The following URM1 variants were observed in gnomAD, a reference collection of about 807,000 sequenced individuals.
URM1 encodes the protein ubiquitin-related modifier 1.
Under a neutral mutation model 17.7 loss-of-function variants are expected in URM1, and 11 were observed. The ratio of observed to expected loss-of-function variants is 0.62; its 90% CI spans 0.39 to 1.03. The LOEUF is 1.03. URM1 is among the 50% of genes least tolerant of loss of function. The pLI, the probability that URM1 is intolerant of heterozygous loss-of-function variation, is 0.00. For missense variants in URM1, 128 were observed against 129.2 expected (o/e 0.99, Z 0.04); for synonymous variants, 48 against 50.6 (o/e 0.95, Z 0.22).
chr9:128,375,188 A>G (rs777917103), intron 1 of URM1, among the ~76,000 whole-genome samples: 5 of 152,190 alleles, frequency 3.3e-5, no homozygotes, highest in South Asian at 4.1e-4. Context: ...GATGAGGAAC[A>G]TCTTATAAAT....
intron 2 of URM1, among the ~76,000 whole-genome samples, chr9:128,383,688 C>T (rs1194223241): frequency 6.6e-6 from 1 of 152,090 alleles, no homozygotes; most frequent in Non-Finnish European, 1.5e-5. Context: ...ACCTCCTGTC[C>T]CTGGAGGTGT....
At position 128,378,111 on chromosome 9, in the gene URM1, G is replaced by T. The variant is rs1833102206; in HGVS notation, c.106+5G>T. 1 of 1,597,056 alleles carries T rather than the reference G, an allele frequency of 6.3e-7. No homozygotes were observed. The highest frequency in any genetic ancestry group is 8.5e-7 in the Non-Finnish European group (1 of 1,170,000). On this transcript the variant is annotated splice_donor_5th_base_variant and intron_variant, in intron 2 of 4. Coordinates refer to ENST00000372853, the MANE Select transcript of URM1 (RefSeq NM_030914.4). ...TGCCTGGACAGGAGGAACCCTGTGA[G>T]TATTGGCTTTCTGAACCCCTCTCTT...
At position 128,387,073 on chromosome 9, in the gene URM1, C is replaced by G. The variant is rs948447547; in HGVS notation, c.107-743C>G. Among the ~76,000 whole-genome samples, 5 of 152,222 alleles carry G rather than the reference C, an allele frequency of 3.3e-5. No individual in the cohort carries two copies. The highest frequency in any genetic ancestry group is 1.2e-4 in the African/African-American group (5 of 41,450). ...CAGGTGACCCTGAAGACAGGTGGCT[C>G]TGAGCCTCCACATGACATACAAGGA... On this transcript the variant is annotated intron_variant, in intron 2 of 4. Coordinates refer to ENST00000372853, the MANE Select transcript of URM1 (RefSeq NM_030914.4). The surrounding 1 kb of genome is among the most constrained non-coding windows in gnomAD (Gnocchi z 4.3).
chr9:128,389,346 G>C lies in URM1; in HGVS notation c.237+37G>C, dbSNP rs776030966. The C allele has an allele frequency of 1.1e-5, 18 of 1,613,890 alleles. No individual in the cohort carries two copies. In the South Asian group the frequency reaches 2.0e-4, roughly 18 times the overall value. On this transcript the variant is annotated intron_variant, in intron 4 of 4. Coordinates refer to ENST00000372853, the MANE Select transcript of URM1 (RefSeq NM_030914.4). Reference sequence around the variant, plus strand: ...GGGGGACATCCCTCCCCCAGCCCCTGCCCTTGCTGCTTCAGTGGGAAAGCG... The same window carrying C: ...GGGGGACATCCCTCCCCCAGCCCCTCCCCTTGCTGCTTCAGTGGGAAAGCG...
chr9:128,388,927 T>G, intron 3 of URM1: 1 of 1,108,036 alleles, frequency 9.0e-7, no homozygotes, highest in Non-Finnish European at 1.1e-6. Context: ...TCATTTCGTT[T>G]TCGTATAGGC....
chr9:128,388,474 C>G, intron 3 of URM1: 1 of 986,138 alleles, frequency 1.0e-6, no homozygotes, highest in Non-Finnish European at 1.2e-6. Flanking sequence ...ACTTCTAAAA[C>G]AAGGCCAGTC....
At position 128,378,076 on chromosome 9, in the gene URM1, C is replaced by G. The variant is rs1029512432; in HGVS notation, c.76C>G (p.Arg26Gly). The change falls in exon 2 of 5, where the codon CGA (arginine) becomes GGA (glycine). Residue 26 changes from arginine (R) to glycine (G), a missense_variant. Coordinates refer to ENST00000372853, the MANE Select transcript of URM1 (RefSeq NM_030914.4). ...CCTGTTTGACGGTATTAAGAAACAT[C>G]GAGTCACTTTGCCTGGACAGGAGGA... ...ELLFDGIKKH[R>G]VTLPGQEEPW... The G allele has an allele frequency of 1.9e-6, 3 of 1,610,666 alleles. No individual in the cohort carries two copies. The highest frequency in any genetic ancestry group is 2.2e-5 in the South Asian group (2 of 90,424).
chr9:128,376,068 T>C (rs1833072503), intron 1 of URM1, among the ~76,000 whole-genome samples: 1 of 151,582 alleles, frequency 6.6e-6, no homozygotes, highest in South Asian at 2.1e-4. Context: ...TTTTTTTTTT[T>C]CTTTTTAAAT....
chr9:128,379,690 C>T (rs1206927641), intron 2 of URM1, among the ~76,000 whole-genome samples: 1 of 151,890 alleles, frequency 6.6e-6, no homozygotes, highest in Non-Finnish European at 1.5e-5. Flanking sequence ...ATCCCGGCTA[C>T]TCTGGAGGCT....
chr9:128,372,993 A>G (rs961755576), intron 1 of URM1, among the ~76,000 whole-genome samples: 23 of 152,142 alleles, frequency 1.5e-4, no homozygotes, highest in Non-Finnish European at 2.6e-4. Context: ...TTTATCAACA[A>G]TGTCTCTGCT....
At chr9:128,374,088 A>G (rs1833046638) in intron 1 of URM1, among the ~76,000 whole-genome samples, 1 of 152,158 alleles carries the variant, frequency 6.6e-6, no homozygotes, top group Non-Finnish European at 1.5e-5. Flanking sequence ...AGCAGATCTT[A>G]TAAGACATAA....
At chr9:128,385,123 G>T (rs1833209964) in intron 2 of URM1, among the ~76,000 whole-genome samples, 4 of 152,154 alleles carry the variant, frequency 2.6e-5, no homozygotes, top group Admixed American at 2.6e-4. Context: ...CTCAAGGCCT[G>T]GCCCCATCTC....
intron 2 of URM1, among the ~76,000 whole-genome samples, chr9:128,378,646 G>A (rs181914552): frequency 1.2e-3 from 173 of 150,168 alleles, no homozygotes; most frequent in Middle Eastern, 3.5e-3. Context: ...TCACTGTGGA[G>A]ACAGACATGA....
chr9:128,386,953 T>TC (rs1173397827), intron 2 of URM1, among the ~76,000 whole-genome samples: 2 of 152,232 alleles, frequency 1.3e-5, no homozygotes, highest in Non-Finnish European at 2.9e-5. Context: ...TGGCCCTGTT[T>TC]CGGGGGCGGA....
intron 1 of URM1, among the ~76,000 whole-genome samples, chr9:128,372,456 C>T (rs1833025793): frequency 6.6e-6 from 1 of 152,078 alleles, no homozygotes; most frequent in African/African-American, 2.4e-5. Flanking sequence ...ATTCACCAGC[C>T]ATTTATTGAG....
At chr9:128,388,930 G>T in intron 3 of URM1, 1 of 1,123,258 alleles carries the variant, frequency 8.9e-7, no homozygotes, top group Middle Eastern at 3.8e-4. Context: ...TTTCGTTTTC[G>T]TATAGGCCTT....
At chr9:128,371,328 T>A, upstream of URM1, 1 of 1,595,434 alleles carries the variant, frequency 6.3e-7, no homozygotes, top group Non-Finnish European at 8.6e-7. Flanking sequence ...CCCGGAAATT[T>A]GCGGGCGCGC....
At chr9:128,376,433 G>T (rs1044887300) in intron 1 of URM1, among the ~76,000 whole-genome samples, 1 of 151,534 alleles carries the variant, frequency 6.6e-6, no homozygotes, top group Non-Finnish European at 1.5e-5. Context: ...GCTGAGGCAG[G>T]TGGATCACGA....
chr9:128,383,998 C>G (rs1166889903), intron 2 of URM1, among the ~76,000 whole-genome samples: 7 of 152,204 alleles, frequency 4.6e-5, no homozygotes, highest in African/African-American at 1.7e-4. Context: ...GAGCAGCCAT[C>G]TGTTGAGCGT....
Sources: gnomAD v4.1 joint callset for allele counts (sites outside exome capture counted in the v4.1 genomes callset) on GRCh38, gnomAD v4.1.1 for gene constraint, Gnocchi (gnomAD v3.1) non-coding constraint, MANE v1.5 for transcripts, NCBI Gene and HGNC (gene_info 2026-07-23, HGNC 2026-07-21) for gene names.